Variants in NAP1L1 observed in about 807,000 individuals in gnomAD.
NAP1L1 encodes the protein nucleosome assembly protein 1-like 1.
NAP1L1 carries 9 observed loss-of-function variants against 58.9 expected under a neutral mutation model. The ratio of observed to expected loss-of-function variants is 0.15; its 90% CI spans 0.09 to 0.27. NAP1L1 has a LOEUF of 0.27. Ranked by LOEUF, NAP1L1 falls within the 10% of genes least tolerant of loss-of-function variation. The pLI, the probability that NAP1L1 is intolerant of heterozygous loss-of-function variation, is 1.00. For missense variants in NAP1L1, 302 were observed against 458.8 expected (o/e 0.66, Z 3.12); for synonymous variants, 130 against 138.3 (o/e 0.94, Z 0.42).
chr12:76,082,133 CTT>C (rs1336605184), intron 1 of NAP1L1, among the ~76,000 whole-genome samples: 4 of 152,122 alleles, frequency 2.6e-5, no homozygotes, highest in East Asian at 3.9e-4. Flanking sequence ...CTCTCTAATC[CTT>C]TGTTTCAAAT....
chr12:76,060,185 C>T lies in NAP1L1; in HGVS notation c.301G>A (p.Asp101Asn). The T allele has an allele frequency of 6.2e-7, 1 of 1,613,448 alleles. No homozygotes were observed. The highest frequency in any genetic ancestry group is 1.3e-5 in the African/African-American group (1 of 75,038). The part of the protein sequence containing the change: ...IEAKFYEEVH[D>N]LERKYAVLYQ... ...AGAACAGCATACTTCCTTTCAAGAT[C>T]GTGAACTTCCTCATAGAATTTGGCT... is the stretch of plus-strand genomic sequence containing the variant. The change falls in exon 5 of 15, where the codon GAT (aspartate) becomes AAT (asparagine). Residue 101 changes from aspartate to asparagine, a missense_variant. By Grantham distance (23) the Asp-to-Asn change is conservative (BLOSUM62 1). Transcript: ENST00000618691.
At chr12:76,057,673 T>C in intron 6 of NAP1L1, 3 of 1,468,618 alleles carry the variant, frequency 2.0e-6, no homozygotes, top group South Asian at 2.4e-5. Context: ...GTACTGTGAA[T>C]ATATGCCTGA....
At chr12:76,071,960 G>A (rs201336170) in intron 2 of NAP1L1, among the ~76,000 whole-genome samples, 4 of 144,738 alleles carry the variant, frequency 2.8e-5, no homozygotes, top group African/African-American at 2.6e-5. Context: ...GACTAGCCCA[G>A]AAAAAAAAAA....
At chr12:76,081,283 T>C (rs550978718) in intron 1 of NAP1L1, among the ~76,000 whole-genome samples, 14 of 152,224 alleles carry the variant, frequency 9.2e-5, no homozygotes, top group Non-Finnish European at 1.2e-4. Flanking sequence ...TTTTCCTTGT[T>C]AAAATGTTGA....
rs1948613771 is a variant in NAP1L1, at chr12:76,046,648, T to G, written c.*1781A>C. On this transcript the variant is annotated 3_prime_UTR_variant, in exon 15 of 15. Coordinates refer to ENST00000618691, the MANE Select transcript of NAP1L1 (RefSeq NM_004537.7). ...AACAATGTGTTCACATTCCAAGACC[T>G]TAACACTAACTTCTCAGAAAGGAAG... The G allele has an allele frequency of 6.6e-6, 1 of 152,470 alleles. No individual in the cohort carries two copies. The highest frequency in any genetic ancestry group is 2.4e-5 in the African/African-American group (1 of 41,448). The allele number at this position is 152,470 out of a possible 1,614,324, so 9.4% of individuals were successfully genotyped here.
At chr12:76,068,327 A>T (rs1380317524) in intron 3 of NAP1L1, among the ~76,000 whole-genome samples, 1 of 152,156 alleles carries the variant, frequency 6.6e-6, no homozygotes, top group Non-Finnish European at 1.5e-5. Flanking sequence ...CAAGTTCTGA[A>T]GTCTTTTCAC....
In NAP1L1 at chr12:76,056,168, T is replaced by A; in HGVS notation, c.430-7A>T. On this transcript the variant is annotated splice_region_variant and splice_polypyrimidine_tract_variant and intron_variant, in intron 6 of 14. Coordinates refer to ENST00000618691, the MANE Select transcript of NAP1L1 (RefSeq NM_004537.7). Reference sequence around the variant, plus strand: ...CCTTTTCTTTCAATTCCTCCTTGATTAAGTGACAGCAAACATTATTTAATA... The same window carrying A: ...CCTTTTCTTTCAATTCCTCCTTGATAAAGTGACAGCAAACATTATTTAATA... 3.7e-6 allele frequency: 6 copies of A among 1,607,978 alleles called. No homozygotes were observed. The highest frequency in any genetic ancestry group is 5.1e-6 in the Non-Finnish European group (6 of 1,177,978).
At chr12:76,062,304 T>C (rs1347887931) in intron 4 of NAP1L1, among the ~76,000 whole-genome samples, 1 of 152,192 alleles carries the variant, frequency 6.6e-6, no homozygotes, top group African/African-American at 2.4e-5. Context: ...ACTTTCAGTG[T>C]AAGGCAACTA....
intron 11 of NAP1L1, among the ~76,000 whole-genome samples, chr12:76,052,181 G>A (rs1246221535): frequency 2.0e-5 from 3 of 151,820 alleles, no homozygotes; most frequent in Admixed American, 2.0e-4. Flanking sequence ...GGGTGGGGAG[G>A]AATTCAAACC....
Position 76,043,942 on chromosome 12 carries a change from G to A in NAP1L1, c.*4487C>T, listed in dbSNP as rs779950720. On this transcript the variant is annotated 3_prime_UTR_variant, in exon 15 of 15. Coordinates refer to ENST00000618691, the MANE Select transcript of NAP1L1 (RefSeq NM_004537.7). ...AGATCTGTCGACTTCTGGCACTCAC[G>A]TTTAATCACACATTCCTAGTTCCTT... is the stretch of plus-strand genomic sequence containing the variant. 6.6e-6 allele frequency: 1 copy of A among 152,148 alleles called. No homozygotes were observed. Among genetic ancestry groups the A allele is most frequent in the Non-Finnish European group, 1.5e-5 (1 of 68,046 alleles). 9.4% of individuals were successfully genotyped at this position (152,148 alleles called of 1,614,324 possible). A position where few individuals can be genotyped will look rare whatever the true frequency, so the allele number is the denominator to read the frequency against.
At chr12:76,059,115 T>C (rs1949284733) in intron 6 of NAP1L1, among the ~76,000 whole-genome samples, 1 of 152,240 alleles carries the variant, frequency 6.6e-6, no homozygotes. Context: ...ATATGATTTA[T>C]AATAAAAAAT....
rs1949729105 is a variant in NAP1L1, at chr12:76,067,356, A to C, written c.206+15T>G. 6.4e-7 allele frequency: 1 copy of C among 1,566,394 alleles called. No homozygotes were observed. The highest frequency in any genetic ancestry group is 8.8e-7 in the Non-Finnish European group (1 of 1,142,048). On this transcript the variant is annotated intron_variant, in intron 4 of 14. Coordinates refer to ENST00000618691, the MANE Select transcript of NAP1L1 (RefSeq NM_004537.7). ...GATTATAGAAAGATAAATAAGGACTATGGAAAAGCTGTACCTTTCAATGTA... is the reference window on the plus strand; with the variant it reads ...GATTATAGAAAGATAAATAAGGACTCTGGAAAAGCTGTACCTTTCAATGTA...
In NAP1L1 at chr12:76,044,843, T is replaced by C. The variant is rs1258626245; in HGVS notation, c.*3586A>G. ...AATTTCATATACCAACAAGGATGTT[T>C]CCATTTCTGTAAAGTCATGTAAGTG... On this transcript the variant is annotated 3_prime_UTR_variant, in exon 15 of 15. Transcript: ENST00000618691. 1 of 152,208 alleles carries C rather than the reference T, an allele frequency of 6.6e-6. No individual in the cohort carries two copies. Among genetic ancestry groups the C allele is most frequent in the East Asian group, 1.9e-4 (1 of 5,198 alleles). 9.4% of individuals were successfully genotyped at this position (152,208 alleles called of 1,614,324 possible). A position where few individuals can be genotyped will look rare whatever the true frequency, so the allele number is the denominator to read the frequency against.
At chr12:76,060,929 C>G in intron 4 of NAP1L1, 1 of 289,822 alleles carries the variant, frequency 3.5e-6, no homozygotes, top group Non-Finnish European at 7.0e-6. Context: ...CCTGTCCTTA[C>G]AAAAAATACA....
At chr12:76,080,274 CAT>C (rs1950351121) in intron 1 of NAP1L1, among the ~76,000 whole-genome samples, 1 of 152,108 alleles carries the variant, frequency 6.6e-6, no homozygotes, top group African/African-American at 2.4e-5. Context: ...ACTGCAGAGT[CAT>C]ATAAAAGTAT....
chr12:76,064,520 G>T (rs569968249), intron 4 of NAP1L1, among the ~76,000 whole-genome samples: 2 of 151,654 alleles, frequency 1.3e-5, no homozygotes, highest in Admixed American at 6.6e-5. Context: ...TAAAAAACTG[G>T]AAAGAATAAC....
chr12:76,057,876 A>G, intron 6 of NAP1L1: 1 of 1,448,076 alleles, frequency 6.9e-7, no homozygotes, highest in Admixed American at 1.9e-5. Context: ...ACGGTACCAC[A>G]AAAGGTTACT....
At chr12:76,075,679 C>A (rs1380703284) in intron 1 of NAP1L1, among the ~76,000 whole-genome samples, 1 of 152,022 alleles carries the variant, frequency 6.6e-6, no homozygotes, top group Non-Finnish European at 1.5e-5. Context: ...GAATATTAAT[C>A]AAAAATAAGA....
At chr12:76,067,764 T>A (rs1300531254) in intron 3 of NAP1L1, among the ~76,000 whole-genome samples, 1 of 152,210 alleles carries the variant, frequency 6.6e-6, no homozygotes, top group African/African-American at 2.4e-5. Context: ...TTCACCCACC[T>A]TGCATTTTAA....
Sources: allele counts gnomAD v4.1 joint callset (sites outside exome capture counted in the v4.1 genomes callset), GRCh38; gene constraint gnomAD v4.1.1; transcripts MANE v1.5; gene names NCBI Gene and HGNC (gene_info 2026-07-23, HGNC 2026-07-21).